The following SLC17A2 variants were observed in gnomAD, a reference collection of about 807,000 sequenced individuals.
SLC17A2 encodes sodium-dependent phosphate transport protein 3.
In SLC17A2, 38 loss-of-function variants were observed where a neutral mutation model predicts 52.1. That is an observed-to-expected ratio of 0.73 (90% CI 0.56 to 0.96). SLC17A2 has a LOEUF of 0.96. Among genes scored for constraint, SLC17A2 ranks in the 40% least tolerant of loss-of-function variants. The probability of loss-of-function intolerance (pLI) is 0.00; values close to 1 mark genes in which losing one functional copy is unlikely to be tolerated. For missense variants in SLC17A2, 508 were observed against 583.9 expected, an observed-to-expected ratio of 0.87 and a Z score of 1.34; for synonymous variants, 226 against 211.9, an observed-to-expected ratio of 1.07 and a Z score of -0.58.
chr6:25,930,547 A>G lies in SLC17A2; in HGVS notation c.-354T>C, dbSNP rs1272996750. Reference sequence around the variant, plus strand: ...AAGAAGAAAAGCACTTACCTTCACCATTAAACCAGTATTTTAAGCCCTAGA... The same window carrying G: ...AAGAAGAAAAGCACTTACCTTCACCGTTAAACCAGTATTTTAAGCCCTAGA... On this transcript the variant is annotated 5_prime_UTR_variant, in exon 1 of 12. It removes an upstream start codon present in the reference 5' UTR. Transcript: ENST00000377850. The G allele has an allele frequency of 1.4e-4, 22 of 152,228 alleles. 1 individual carries two copies. Among genetic ancestry groups the G allele is most frequent in the Admixed American group, 1.4e-3 (22 of 15,286 alleles). 9.4% of individuals were successfully genotyped at this position (152,228 alleles called of 1,614,324 possible). A position where few individuals can be genotyped will look rare whatever the true frequency, so the allele number is the denominator to read the frequency against.
chr6:25,915,388 A>G, intron 10 of SLC17A2, 111 bp downstream of exon 10: 1 of 937,772 alleles, frequency 1.1e-6, no homozygotes, highest in South Asian at 2.0e-5. Context: ...GTTATTTGTC[A>G]TTCTGCCATT....
chr6:25,917,403 C>T (rs1766368634), intron 6 of SLC17A2, among the ~76,000 whole-genome samples: 1 of 152,212 alleles, frequency 6.6e-6, no homozygotes, highest in Non-Finnish European at 1.5e-5. Flanking sequence ...TTTTAGGCAG[C>T]AACTTCTTAA....
chr6:25,924,005 A>G (rs545047548), intron 2 of SLC17A2, 99 bp from the exon 3 acceptor site: 8 of 905,218 alleles, frequency 8.8e-6, no homozygotes, highest in Middle Eastern at 3.1e-4. Context: ...TGGATGACAC[A>G]TGAAGTCTCA....
Position 25,915,656 on chromosome 6 carries a change from G to A in SLC17A2, c.1064-10C>T, listed in dbSNP as rs1303358341. On this transcript the variant is annotated splice_polypyrimidine_tract_variant and intron_variant, in intron 9 of 11. Transcript: ENST00000377850. The stretch of plus-strand genomic sequence containing the variant: ...GATGGAAGGAGGAGCCCTGGGCAAT[G>A]AGGACATGCTGTCAGGGAACCCTCT... The A allele has an allele frequency of 6.2e-7, 1 of 1,613,708 alleles. No homozygotes were observed. Among genetic ancestry groups the A allele is most frequent in the South Asian group, 1.1e-5 (1 of 90,992 alleles).
At position 25,913,773 on chromosome 6, in the gene SLC17A2, G is replaced by GTTTTTT. The variant is rs1554137625; in HGVS notation, c.1303-328_1303-323dup. 1.7e-3 allele frequency among the ~76,000 whole-genome samples: 116 copies of GTTTTTT among 67,462 alleles called. No individual in the cohort carries two copies. In the South Asian group the frequency reaches 0.025, roughly 15 times the overall value. The allele number at this position is 67,462 out of a possible 152,430, so 44.3% of individuals were successfully genotyped here. ...GTGGCATTGTGTTTGTGTCTTCTCT[G>GTTTTTT]TTTTTTTTTGTTGTTGTTGTTGCTG... On this transcript the variant is annotated intron_variant, in intron 11 of 11. Transcript: ENST00000377850.
At position 25,925,766 on chromosome 6, in the gene SLC17A2, T is replaced by C; in HGVS notation, c.28+3A>G. The C allele has an allele frequency of 1.9e-6, 3 of 1,614,010 alleles. No individual in the cohort carries two copies. Among genetic ancestry groups the C allele is most frequent in the Non-Finnish European group, 2.5e-6 (3 of 1,179,844 alleles). On this transcript the variant is annotated splice_donor_region_variant and intron_variant, in intron 2 of 11. Coordinates refer to ENST00000377850, the MANE Select transcript of SLC17A2 (RefSeq NM_001286123.3). ...AGCCTGCAAACAAGAGCAGTGGCTTTACCTTTCCTGGTGGCAGGCTTCCCG... is the reference window on the plus strand; with the variant it reads ...AGCCTGCAAACAAGAGCAGTGGCTTCACCTTTCCTGGTGGCAGGCTTCCCG...
At chr6:25,922,966 C>A (rs1010935768) in intron 3 of SLC17A2, among the ~76,000 whole-genome samples, 2 of 152,064 alleles carry the variant, frequency 1.3e-5, no homozygotes, top group Admixed American at 6.6e-5. Context: ...GAGGCCGAGG[C>A]GGGTGGATCA....
At chr6:25,913,781 TTG>T (rs1766193409) in intron 11 of SLC17A2, among the ~76,000 whole-genome samples, 1 of 9,426 alleles carries the variant, frequency 1.1e-4, no homozygotes, top group African/African-American at 4.6e-4. Context: ...CTGTTTTTTT[TTG>T]TTGTTGTTGT....
chr6:25,921,239 C>A lies in SLC17A2; in HGVS notation c.414G>T (p.Leu138=). Residue 138 remains leucine (L), a synonymous_variant, in exon 4 of 12, where the codon CTG becomes CTT. Transcript: ENST00000377850. ...CCAAAATCACTCCGAAGTCAGCAGCCAGTGGTGTAAAGAGGGTGAGAAGGG... is the reference window on the plus strand; with the variant it reads ...CCAAAATCACTCCGAAGTCAGCAGCAAGTGGTGTAAAGAGGGTGAGAAGGG... ...ISSLLTLFTP[L]AADFGVILVI... is the part of the protein sequence containing the mutation. 6.2e-7 allele frequency: 1 copy of A among 1,614,086 alleles called. No homozygotes were observed. Among genetic ancestry groups the A allele is most frequent in the Non-Finnish European group, 8.5e-7 (1 of 1,180,010 alleles).
At chr6:25,915,699 A>G in intron 9 of SLC17A2, 37 bp downstream of exon 9, 1 of 1,613,108 alleles carries the variant, frequency 6.2e-7, no homozygotes, top group Non-Finnish European at 8.5e-7. Context: ...TGTGCAGAAA[A>G]GGGATTGGTT....
rs1171827935 is a variant in SLC17A2 at position 25,921,237 on chromosome 6, G to T, written c.416C>A (p.Ala139Asp). The change falls in exon 4 of 12, where the codon GCT becomes GAT. Residue 139 changes from alanine (A) to aspartate (D), a missense_variant. Ala to Asp is a moderately radical substitution (Grantham distance 126). Transcript: ENST00000377850. ...GACCAAAATCACTCCGAAGTCAGCAGCCAGTGGTGTAAAGAGGGTGAGAAG... is the reference window on the plus strand; with the variant it reads ...GACCAAAATCACTCCGAAGTCAGCATCCAGTGGTGTAAAGAGGGTGAGAAG... ...SSLLTLFTPL[A>D]ADFGVILVIM... 1.9e-6 allele frequency: 3 copies of T among 1,614,158 alleles called. No individual in the cohort carries two copies. The South Asian group carries it at 3.3e-5, about 18-fold the overall frequency.
intron 6 of SLC17A2, among the ~76,000 whole-genome samples, chr6:25,918,232 C>G (rs1185360469): frequency 6.6e-6 from 1 of 152,200 alleles, no homozygotes; most frequent in African/African-American, 2.4e-5. Flanking sequence ...AAGGACAAGA[C>G]TGCATCACAA....
At position 25,914,569 on chromosome 6, in the gene SLC17A2, ACTGGCCCAAC is replaced by A; in HGVS notation, c.1302+1_1302+10del. On this transcript the variant is annotated splice_donor_variant and splice_donor_5th_base_variant and intron_variant, in intron 11 of 11. Transcript: ENST00000377850. LOFTEE classifies it high-confidence loss of function. The stretch of plus-strand genomic sequence containing the variant: ...CCTGCCACTTGAAGATGTTCAATAA[ACTGGCCCAAC>A]CTGACTGATGAGGAATCCAGTGGCA... 6.3e-7 allele frequency: 1 copy of A among 1,579,230 alleles called. No individual in the cohort carries two copies. The highest frequency in any genetic ancestry group is 8.7e-7 in the Non-Finnish European group (1 of 1,147,982).
At chr6:25,922,171 A>G (rs976387840) in intron 3 of SLC17A2, among the ~76,000 whole-genome samples, 3 of 152,092 alleles carry the variant, frequency 2.0e-5, no homozygotes, top group Admixed American at 2.0e-4. Context: ...CAAAAAAACT[A>G]TAAATAATAC....
intron 10 of SLC17A2, among the ~76,000 whole-genome samples, chr6:25,915,177 A>ATATATATATATATATATATATATATG (rs1554137783): frequency 0.012 from 1,313 of 107,768 alleles, 187 homozygotes; most frequent in Non-Finnish European, 0.021. Context: ...ATATATATAT[A>ATATATATATATATATATATATATATG]TGGTAGCTAA....
At chr6:25,926,270 G>A (rs1477139769) in intron 1 of SLC17A2, among the ~76,000 whole-genome samples, 1 of 152,132 alleles carries the variant, frequency 6.6e-6, no homozygotes, top group African/African-American at 2.4e-5. Context: ...AAGCTCAAGA[G>A]CTAAGGAGGA....
In SLC17A2 at chr6:25,923,296, G is replaced by A. The variant is rs555239603; in HGVS notation, c.240+399C>T. On this transcript the variant is annotated intron_variant, in intron 3 of 11. Coordinates refer to ENST00000377850, the MANE Select transcript of SLC17A2 (RefSeq NM_001286123.3). Reference sequence around the variant, plus strand: ...TGGCAAAATTTATTTGCAAAGCTATGGACAAGAATCGTTTGCATTTCTATT... The same window carrying A: ...TGGCAAAATTTATTTGCAAAGCTATAGACAAGAATCGTTTGCATTTCTATT... Among the ~76,000 whole-genome samples, 22 of 152,246 alleles carry A rather than the reference G, an allele frequency of 1.4e-4. No individual in the cohort carries two copies. In the South Asian group the frequency reaches 4.3e-3, roughly 30 times the overall value.
chr6:25,922,316 T>A (rs1766591149), intron 3 of SLC17A2, among the ~76,000 whole-genome samples: 1 of 152,218 alleles, frequency 6.6e-6, no homozygotes, highest in South Asian at 2.1e-4. Context: ...GAAAAATGAC[T>A]ATGATTTGTA....
At chr6:25,926,912 C>T (rs752305799) in intron 1 of SLC17A2, among the ~76,000 whole-genome samples, 1 of 152,010 alleles carries the variant, frequency 6.6e-6, no homozygotes, top group Non-Finnish European at 1.5e-5. Context: ...ACTAAAAATA[C>T]AAAAACAGCC....
Sources: allele counts gnomAD v4.1 joint callset (sites outside exome capture counted in the v4.1 genomes callset), GRCh38; gene constraint gnomAD v4.1.1; transcripts MANE v1.5; gene names NCBI Gene and HGNC (gene_info 2026-07-23, HGNC 2026-07-21).